MANBAL: variants seen among roughly 807,000 people sequenced by gnomAD.
MANBAL encodes the protein mannosidase beta like, also known as protein MANBAL.
Under a neutral mutation model 6.4 loss-of-function variants are expected in MANBAL, and 1 was observed. The observed-to-expected ratio is 0.16, with a 90% CI of 0.06 to 0.74. The LOEUF is 0.74. MANBAL is among the 30% of genes least tolerant of loss of function. The pLI is 0.78. For missense variants in MANBAL, 100 were observed against 107.8 expected, an observed-to-expected ratio of 0.93 and a Z score of 0.32; for synonymous variants, 47 against 45.8, an observed-to-expected ratio of 1.03 and a Z score of -0.10.
intron 1 of MANBAL, among the ~76,000 whole-genome samples, chr20:37,293,454 TGGAACTCAGAC>T (rs2068918504): frequency 6.6e-6 from 1 of 152,066 alleles, no homozygotes; most frequent in South Asian, 2.1e-4. Context: ...TGATAGGAGG[TGGAACTCAGAC>T]GGTAATGTGA....
chr20:37,299,536 A>G (rs1025017728), intron 1 of MANBAL, among the ~76,000 whole-genome samples: 4 of 152,226 alleles, frequency 2.6e-5, no homozygotes, highest in Non-Finnish European at 4.4e-5. Flanking sequence ...ACCATATTGG[A>G]TAGCTCAGAC....
chr20:37,312,782 A>G (rs1242273576), intron 2 of MANBAL, among the ~76,000 whole-genome samples: 3 of 152,194 alleles, frequency 2.0e-5, no homozygotes, highest in Non-Finnish European at 2.9e-5. Flanking sequence ...AGTAGCTGGG[A>G]GGACAAGCAT....
At chr20:37,315,034 CA>C (rs151264089) in intron 2 of MANBAL, among the ~76,000 whole-genome samples, 3,880 of 152,270 alleles carry the variant, frequency 0.025, 170 homozygotes, top group African/African-American at 0.088. Flanking sequence ...TCCCATTTCT[CA>C]ATAAAGAACA....
intron 2 of MANBAL, among the ~76,000 whole-genome samples, chr20:37,310,857 C>G (rs1225351643): frequency 6.6e-6 from 1 of 152,188 alleles, no homozygotes; most frequent in Non-Finnish European, 1.5e-5. Flanking sequence ...GATTTAAAGG[C>G]AGGGCTGTCG....
At chr20:37,294,634 C>T (rs2068950543) in intron 1 of MANBAL, among the ~76,000 whole-genome samples, 1 of 152,232 alleles carries the variant, frequency 6.6e-6, no homozygotes, top group South Asian at 2.1e-4. Flanking sequence ...GTTTAAATGA[C>T]TTCTTCCTTT....
chr20:37,314,430 A>G (rs895685044), intron 2 of MANBAL, among the ~76,000 whole-genome samples: 5 of 152,274 alleles, frequency 3.3e-5, no homozygotes, highest in African/African-American at 4.8e-5. Flanking sequence ...TGGGGCGGCA[A>G]CTGGGTCTCA....
intron 2 of MANBAL, among the ~76,000 whole-genome samples, chr20:37,310,357 C>T (rs373892297): frequency 1.3e-5 from 2 of 152,216 alleles, no homozygotes; most frequent in Non-Finnish European, 2.9e-5. Flanking sequence ...GCACCTTCAG[C>T]GTTAAGCAGA....
At chr20:37,294,547 T>C (rs1600896056) in intron 1 of MANBAL, among the ~76,000 whole-genome samples, 1 of 152,252 alleles carries the variant, frequency 6.6e-6, no homozygotes, top group East Asian at 1.9e-4. Flanking sequence ...TACTTGACTG[T>C]TCTTGATCAT....
At chr20:37,290,272 G>T (rs1254782487) in intron 1 of MANBAL, among the ~76,000 whole-genome samples, 1 of 152,156 alleles carries the variant, frequency 6.6e-6, no homozygotes, top group African/African-American at 2.4e-5. Context: ...ATTTTGCAGG[G>T]CATCTGCACA....
At chr20:37,299,450 A>T (rs1002168364) in intron 1 of MANBAL, among the ~76,000 whole-genome samples, 8 of 152,234 alleles carry the variant, frequency 5.3e-5, no homozygotes, top group African/African-American at 1.9e-4. Flanking sequence ...AGGTCTTTGA[A>T]AATGGGTGTG....
intron 1 of MANBAL, among the ~76,000 whole-genome samples, chr20:37,296,556 G>A (rs867922178): frequency 2.0e-5 from 3 of 152,296 alleles, no homozygotes; most frequent in Middle Eastern, 6.8e-3. Flanking sequence ...ATGCCATGAT[G>A]TACCATCACT....
chr20:37,311,303 A>AAGG, intron 2 of MANBAL, among the ~76,000 whole-genome samples: 1 of 152,204 alleles, frequency 6.6e-6, no homozygotes, highest in Non-Finnish European at 1.5e-5. Flanking sequence ...CAGGGTGACA[A>AAGG]GAGTAGGCTG....
At chr20:37,290,286 G>A (rs1344867689) in intron 1 of MANBAL, among the ~76,000 whole-genome samples, 1 of 152,180 alleles carries the variant, frequency 6.6e-6, no homozygotes, top group Non-Finnish European at 1.5e-5. Context: ...CTGCACACCA[G>A]TTTCAGCCCA....
At chr20:37,294,879 T>C (rs1384889304) in intron 1 of MANBAL, among the ~76,000 whole-genome samples, 1 of 152,240 alleles carries the variant, frequency 6.6e-6, no homozygotes, top group African/African-American at 2.4e-5. Context: ...GTCCAATGAA[T>C]TAATGTCTTA....
chr20:37,297,087 A>G (rs895894726), intron 1 of MANBAL: 2 of 152,210 alleles, frequency 1.3e-5, no homozygotes, highest in African/African-American at 2.4e-5. Flanking sequence ...ATGAGGTGCA[A>G]CTGCGGAGAA....
At chr20:37,294,337 T>TCA (rs2068944066) in intron 1 of MANBAL, among the ~76,000 whole-genome samples, 1 of 152,262 alleles carries the variant, frequency 6.6e-6, no homozygotes, top group African/African-American at 2.4e-5. Flanking sequence ...GGTGCAAATG[T>TCA]GTCTTTTGAC....
At chr20:37,302,636 T>A (rs1251407880) in intron 2 of MANBAL, among the ~76,000 whole-genome samples, 1 of 152,218 alleles carries the variant, frequency 6.6e-6, no homozygotes, top group Non-Finnish European at 1.5e-5. Context: ...GAAAAATGCT[T>A]GGTTCTTTCC....
At chr20:37,295,661 G>T (rs1480851235) in intron 1 of MANBAL, among the ~76,000 whole-genome samples, 1 of 152,158 alleles carries the variant, frequency 6.6e-6, no homozygotes, top group Non-Finnish European at 1.5e-5. Context: ...GGTTATCCCT[G>T]GGTAGGTCAT....
At chr20:37,302,230 TGTG>T in intron 2 of MANBAL, 1 of 1,550,450 alleles carries the variant, frequency 6.4e-7, no homozygotes, top group Non-Finnish European at 8.7e-7. Context: ...ATTGCTTCTC[TGTG>T]GTGTCATTTA....
Sources: gnomAD v4.1 joint callset for allele counts (sites outside exome capture counted in the v4.1 genomes callset) on GRCh38, gnomAD v4.1.1 for gene constraint, MANE v1.5 for transcripts, NCBI Gene and HGNC (gene_info 2026-07-23, HGNC 2026-07-21) for gene names.